WWOX: variants seen among roughly 807,000 people sequenced by gnomAD.
The protein encoded by WWOX is WW domain containing oxidoreductase.
WWOX carries 69 observed loss-of-function variants against 46.2 expected under a neutral mutation model. The ratio of observed to expected loss-of-function variants is 1.49; its 90% CI spans 1.23 to 1.82. WWOX has a LOEUF of 1.82. Ranked by LOEUF, WWOX falls within the 40% of genes most tolerant of loss-of-function variation. The pLI is 0.00. For missense variants in WWOX, 919 were observed against 542.6 expected, an observed-to-expected ratio of 1.69 and a Z score of -6.89; for synonymous variants, 359 against 202.6, an observed-to-expected ratio of 1.77 and a Z score of -6.56.
chr16:78,611,283 T>C (rs2045894355), intron 8 of WWOX, among the ~76,000 whole-genome samples: 1 of 152,228 alleles, frequency 6.6e-6, no homozygotes, highest in South Asian at 2.1e-4. Context: ...GTTGATGACA[T>C]CAACCTAGCC....
Position 79,138,669 on chromosome 16 carries a change from A to T in WWOX, c.1057-72939A>T, listed in dbSNP as rs374700523. 9.2e-5 allele frequency among the ~76,000 whole-genome samples: 14 copies of T among 152,314 alleles called. No homozygotes were observed. The East Asian group carries it at 2.1e-3, about 23-fold the overall frequency. On this transcript the variant is annotated intron_variant, in intron 8 of 8. Coordinates refer to ENST00000566780, the MANE Select transcript of WWOX (RefSeq NM_016373.4). ...GAGGGGTCCTCCATGTACAGCCATGATCACAACTCTCTAACGTGGTCACTT... is the reference window on the plus strand; with the variant it reads ...GAGGGGTCCTCCATGTACAGCCATGTTCACAACTCTCTAACGTGGTCACTT...
intron 8 of WWOX, among the ~76,000 whole-genome samples, chr16:78,906,870 C>T (rs145798724): frequency 6.6e-6 from 1 of 152,322 alleles, no homozygotes; most frequent in African/African-American, 2.4e-5. Context: ...AGCTTCCTAA[C>T]TCCATGGTGC....
intron 8 of WWOX, among the ~76,000 whole-genome samples, chr16:78,575,031 AT>A (rs2044828102): frequency 5.7e-4 from 1 of 1,754 alleles, no homozygotes; most frequent in South Asian, 0.013. Flanking sequence ...AAATATATAT[AT>A]ATATATATAT....
intron 8 of WWOX, among the ~76,000 whole-genome samples, chr16:78,679,302 G>A (rs1212874794): frequency 6.6e-6 from 1 of 152,210 alleles, no homozygotes; most frequent in Non-Finnish European, 1.5e-5. Flanking sequence ...TGTAATCCCA[G>A]CACTTTGGGA....
intron 8 of WWOX, among the ~76,000 whole-genome samples, chr16:78,727,601 C>T (rs1303448929): frequency 6.6e-6 from 1 of 152,182 alleles, no homozygotes; most frequent in Non-Finnish European, 1.5e-5. Context: ...TGCTGTAGTT[C>T]ATGAAACATT....
chr16:78,869,797 G>A (rs2044087730), intron 8 of WWOX, among the ~76,000 whole-genome samples: 2 of 152,214 alleles, frequency 1.3e-5, no homozygotes, highest in Non-Finnish European at 2.9e-5. Flanking sequence ...CCAAAAGCCA[G>A]CAGAGAGAAG....
intron 8 of WWOX, among the ~76,000 whole-genome samples, chr16:79,010,830 A>C (rs1376131161): frequency 6.6e-6 from 1 of 151,728 alleles, no homozygotes; most frequent in Admixed American, 6.6e-5. Flanking sequence ...GTGGGGGTTC[A>C]GTGACAGTCT....
At chr16:78,355,286 T>C (rs1402947363) in intron 5 of WWOX, among the ~76,000 whole-genome samples, 2 of 152,088 alleles carry the variant, frequency 1.3e-5, no homozygotes, top group Admixed American at 6.5e-5. Context: ...TACATATACG[T>C]ATATGTATGT....
intron 8 of WWOX, among the ~76,000 whole-genome samples, chr16:79,040,118 T>A (rs2047942009): frequency 6.6e-6 from 1 of 152,142 alleles, no homozygotes; most frequent in South Asian, 2.1e-4. Context: ...CTGTGAAGAT[T>A]GGCTCACATC....
At chr16:78,765,631 A>G (rs1328524635) in intron 8 of WWOX, among the ~76,000 whole-genome samples, 4 of 152,118 alleles carry the variant, frequency 2.6e-5, no homozygotes, top group South Asian at 2.1e-4. Flanking sequence ...GTGAGCCGAG[A>G]TTGTGCCACT....
rs938412848 is a variant in WWOX at position 78,700,587 on chromosome 16, T to A, written c.1056+267835T>A. Reference sequence around the variant, plus strand: ...CTTCACAGGCAGGAAACCCACCAGGTCCAAGGAAGGGGCACTCAGCTGTTA... The same window carrying A: ...CTTCACAGGCAGGAAACCCACCAGGACCAAGGAAGGGGCACTCAGCTGTTA... On this transcript the variant is annotated intron_variant, in intron 8 of 8. Coordinates refer to ENST00000566780, the MANE Select transcript of WWOX (RefSeq NM_016373.4). Among the ~76,000 whole-genome samples the A allele has an allele frequency of 2.0e-5, 3 of 152,178 alleles. No homozygotes were observed. In the East Asian group the frequency reaches 5.8e-4, roughly 29 times the overall value.
intron 5 of WWOX, among the ~76,000 whole-genome samples, chr16:78,189,931 A>T (rs1043657271): frequency 2.6e-5 from 4 of 151,054 alleles, no homozygotes; most frequent in Non-Finnish European, 5.9e-5. Flanking sequence ...CTGGGATTAC[A>T]GGAATGAGCC....
At chr16:78,509,989 T>A (rs2085320108) in intron 8 of WWOX, among the ~76,000 whole-genome samples, 1 of 151,552 alleles carries the variant, frequency 6.6e-6, no homozygotes, top group African/African-American at 2.4e-5. Context: ...AGTCCCAGCT[T>A]CTGGGGATGC....
chr16:78,858,912 C>G (rs923883201), intron 8 of WWOX, among the ~76,000 whole-genome samples: 3 of 148,232 alleles, frequency 2.0e-5, no homozygotes, highest in African/African-American at 7.5e-5. Flanking sequence ...CTCCTGGGCT[C>G]AAGTTACCCT....
chr16:78,696,210 T>C (rs1395969371), intron 8 of WWOX, among the ~76,000 whole-genome samples: 2 of 152,192 alleles, frequency 1.3e-5, no homozygotes, highest in African/African-American at 4.8e-5. Context: ...TCTCTCTGCC[T>C]GGCAACTTCC....
At chr16:78,290,245 G>T (rs1567480395) in intron 5 of WWOX, among the ~76,000 whole-genome samples, 1 of 151,456 alleles carries the variant, frequency 6.6e-6, no homozygotes, top group African/African-American at 2.4e-5. Flanking sequence ...CGAGCACTCT[G>T]CGAGCGGACA....
chr16:78,967,655 C>G (rs2047926), intron 8 of WWOX, among the ~76,000 whole-genome samples: 9,811 of 151,996 alleles, frequency 0.065, 422 homozygotes, highest in Non-Finnish European at 0.097. Context: ...AGACTGGTGT[C>G]ATTCAGATTT....
At chr16:78,355,164 T>C (rs946490355) in intron 5 of WWOX, among the ~76,000 whole-genome samples, 16 of 152,124 alleles carry the variant, frequency 1.1e-4, no homozygotes, top group Admixed American at 2.0e-4. Context: ...GATAGTATAA[T>C]GAGGTTCCTG....
intron 4 of WWOX, among the ~76,000 whole-genome samples, chr16:78,141,208 A>G (rs1442644530): frequency 6.6e-6 from 1 of 152,206 alleles, no homozygotes; most frequent in East Asian, 1.9e-4. Context: ...TTGCAGAGGC[A>G]ATTTAAATGC....
Sources: allele counts gnomAD v4.1 joint callset (sites outside exome capture counted in the v4.1 genomes callset), GRCh38; gene constraint gnomAD v4.1.1; transcripts MANE v1.5; gene names NCBI Gene and HGNC (gene_info 2026-07-23, HGNC 2026-07-21).